STXBP6: variants seen among roughly 807,000 people sequenced by gnomAD.
The protein encoded by STXBP6 is syntaxin-binding protein 6.
STXBP6 carries 21 observed loss-of-function variants against 26.9 expected under a neutral mutation model. The observed-to-expected ratio is 0.78, with a 90% CI of 0.55 to 1.12. The LOEUF (loss-of-function observed/expected upper bound fraction) is 1.12, where lower values mean the gene tolerates loss of function less well. STXBP6 is among the 50% of genes most tolerant of loss of function. The pLI is 0.00. For synonymous variants in STXBP6, 97 were observed against 92.6 expected, an observed-to-expected ratio of 1.05 and a Z score of -0.27; for missense variants, 232 against 257.9, an observed-to-expected ratio of 0.90 and a Z score of 0.69.
intron 5 of STXBP6, among the ~76,000 whole-genome samples, chr14:24,815,496 T>C (rs933457014): frequency 4.0e-5 from 6 of 149,062 alleles, no homozygotes; most frequent in African/African-American, 1.5e-4. Flanking sequence ...TATAATAATA[T>C]AATATTATAT....
At chr14:24,852,419 G>C (rs1418461518) in intron 4 of STXBP6, among the ~76,000 whole-genome samples, 2 of 152,028 alleles carry the variant, frequency 1.3e-5, no homozygotes, top group Non-Finnish European at 2.9e-5. Flanking sequence ...TGCTTCTTGG[G>C]TGGGCTTGTC....
chr14:24,907,594 T>G (rs979507732), intron 2 of STXBP6, among the ~76,000 whole-genome samples: 2 of 152,166 alleles, frequency 1.3e-5, no homozygotes, highest in Non-Finnish European at 2.9e-5. Flanking sequence ...TTAATTTATT[T>G]TCTTCTTTTG....
intron 4 of STXBP6, among the ~76,000 whole-genome samples, chr14:24,847,405 T>A (rs1314881614): frequency 6.6e-6 from 1 of 152,176 alleles, no homozygotes; most frequent in African/African-American, 2.4e-5. Context: ...AGAGATTACA[T>A]CCTTTTATCT....
rs1437795243 is a variant in STXBP6, at chr14:24,857,053, G to C, written c.259C>G (p.Gln87Glu). Residue 87 changes from glutamine (Q) to glutamate (E), a missense_variant, in exon 3 of 6, where the codon CAG becomes GAG. Physicochemically the swap from Gln to Glu is conservative, Grantham distance 29 (BLOSUM62 2). Transcript: ENST00000323944. The part of the protein sequence containing the change: ...RSQWMLEQLR[Q>E]VNGIDPNGDS... The stretch of plus-strand genomic sequence containing the variant: ...CCATTAGGATCGATACCATTAACCT[G>C]GCGAAGCTGCTCGAGCATCCACTGT... 4 of 1,612,818 alleles carry C rather than the reference G, an allele frequency of 2.5e-6. No homozygotes were observed. In the East Asian group the frequency reaches 8.9e-5, roughly 36 times the overall value.
intron 2 of STXBP6, among the ~76,000 whole-genome samples, chr14:24,889,353 A>G (rs1022195697): frequency 6.9e-6 from 1 of 145,678 alleles, no homozygotes; most frequent in Non-Finnish European, 1.5e-5. Flanking sequence ...GTCTATTCAT[A>G]AAACTAGAAC....
intron 2 of STXBP6, among the ~76,000 whole-genome samples, chr14:24,942,067 T>C (rs2072823162): frequency 6.6e-6 from 1 of 152,200 alleles, no homozygotes. Flanking sequence ...AGAATGCAAA[T>C]CTGCTGTTGG....
intron 2 of STXBP6, among the ~76,000 whole-genome samples, chr14:24,915,975 A>C (rs1251998532): frequency 6.6e-6 from 1 of 152,150 alleles, no homozygotes; most frequent in Admixed American, 6.5e-5. Flanking sequence ...TTTTGTAAAA[A>C]TCATGGTATT....
intron 2 of STXBP6, among the ~76,000 whole-genome samples, chr14:24,958,887 AAAG>A (rs1470839372): frequency 9.2e-5 from 14 of 152,220 alleles, no homozygotes; most frequent in Non-Finnish European, 1.9e-4. Flanking sequence ...AAATATCAAC[AAAG>A]AAGAGTCCTT....
chr14:25,004,908 T>C (rs554900611), intron 1 of STXBP6, among the ~76,000 whole-genome samples: 13 of 152,306 alleles, frequency 8.5e-5, no homozygotes, highest in African/African-American at 2.9e-4. Flanking sequence ...TCCTCATCCA[T>C]GAGCACTGAC....
At chr14:24,936,322 T>C (rs1467865727) in intron 2 of STXBP6, among the ~76,000 whole-genome samples, 1 of 152,158 alleles carries the variant, frequency 6.6e-6, no homozygotes, top group Non-Finnish European at 1.5e-5. Context: ...CAAAAAACCC[T>C]ACTGTCATTG....
chr14:25,012,038 A>C (rs1325482496), intron 1 of STXBP6, among the ~76,000 whole-genome samples: 1 of 152,230 alleles, frequency 6.6e-6, no homozygotes, highest in African/African-American at 2.4e-5. Flanking sequence ...GTGCAGTACA[A>C]CGGGACAAAA....
chr14:24,991,039 G>C (rs1834968640), intron 1 of STXBP6, among the ~76,000 whole-genome samples: 1 of 151,418 alleles, frequency 6.6e-6, no homozygotes, highest in South Asian at 2.1e-4. Flanking sequence ...AGACAGAAGA[G>C]AGAGGAGAGC....
chr14:24,963,464 C>A (rs963655834), intron 2 of STXBP6, among the ~76,000 whole-genome samples: 2 of 151,932 alleles, frequency 1.3e-5, no homozygotes, highest in Non-Finnish European at 1.5e-5. Flanking sequence ...ACAACCTCGG[C>A]CACATTGGAT....
intron 1 of STXBP6, among the ~76,000 whole-genome samples, chr14:25,010,912 C>T (rs1177532837): frequency 1.3e-5 from 2 of 152,136 alleles, no homozygotes; most frequent in African/African-American, 2.4e-5. Context: ...ACTTTACATA[C>T]TGACTTTCTG....
intron 1 of STXBP6, among the ~76,000 whole-genome samples, chr14:25,025,935 G>T (rs2075341615): frequency 6.6e-6 from 1 of 152,114 alleles, no homozygotes; most frequent in African/African-American, 2.4e-5. Flanking sequence ...CTCCCCAACT[G>T]CCCTTTCCAT....
At chr14:24,859,345 T>A (rs1439638792) in intron 2 of STXBP6, among the ~76,000 whole-genome samples, 5 of 152,126 alleles carry the variant, frequency 3.3e-5, no homozygotes, top group Admixed American at 3.3e-4. Flanking sequence ...GTTTAATTTT[T>A]GTTTATTGTT....
chr14:24,865,369 C>T (rs2069680678), intron 2 of STXBP6, among the ~76,000 whole-genome samples: 2 of 151,990 alleles, frequency 1.3e-5, no homozygotes, highest in African/African-American at 4.8e-5. Context: ...GAGGAATAAC[C>T]CAGGAAGAGA....
intron 2 of STXBP6, among the ~76,000 whole-genome samples, chr14:24,875,091 G>A (rs919861796): frequency 1.3e-5 from 2 of 152,210 alleles, no homozygotes; most frequent in African/African-American, 4.8e-5. Flanking sequence ...AACAGCAGCA[G>A]CTCTAACAGG....
intron 2 of STXBP6, among the ~76,000 whole-genome samples, chr14:24,956,743 A>AT (rs1368565677): frequency 6.6e-6 from 1 of 152,102 alleles, no homozygotes; most frequent in African/African-American, 2.4e-5. Flanking sequence ...TGCTGTTTTT[A>AT]TTTTTGTAAT....
Sources: gnomAD v4.1 joint callset for allele counts (sites outside exome capture counted in the v4.1 genomes callset) on GRCh38, gnomAD v4.1.1 for gene constraint, MANE v1.5 for transcripts, NCBI Gene and HGNC (gene_info 2026-07-23, HGNC 2026-07-21) for gene names.